The following KCNK9 variants were observed in gnomAD, a reference collection of about 807,000 sequenced individuals.
KCNK9 encodes potassium channel subfamily K member 9.
A neutral mutation model predicts 10.8 loss-of-function variants in KCNK9; 1 was observed. The ratio of observed to expected loss-of-function variants is 0.09; its 90% CI spans 0.03 to 0.44. The LOEUF (loss-of-function observed/expected upper bound fraction) is 0.44, where lower values mean the gene tolerates loss of function less well. Among genes scored for constraint, KCNK9 ranks in the 20% least tolerant of loss-of-function variants. The pLI is 0.97. For missense variants in KCNK9, 303 were observed against 515.0 expected, an observed-to-expected ratio of 0.59 and a Z score of 3.98; for synonymous variants, 231 against 222.7, an observed-to-expected ratio of 1.04 and a Z score of -0.33.
chr8:139,656,142 G>A (rs2129688902), intron 1 of KCNK9, among the ~76,000 whole-genome samples: 1 of 152,324 alleles, frequency 6.6e-6, no homozygotes, highest in South Asian at 2.1e-4. Context: ...TGGGGTACAG[G>A]CTGATGCCCC....
intron 1 of KCNK9, among the ~76,000 whole-genome samples, chr8:139,668,455 C>T (rs952472681): frequency 2.1e-5 from 3 of 141,450 alleles, no homozygotes; most frequent in African/African-American, 2.6e-5. Flanking sequence ...GAGTTTCGCT[C>T]TTGTTGCCCA....
At chr8:139,694,604 G>GCTGGC (rs1183566596) in intron 1 of KCNK9, among the ~76,000 whole-genome samples, 1 of 152,204 alleles carries the variant, frequency 6.6e-6, no homozygotes, top group Non-Finnish European at 1.5e-5. Context: ...TCATTGGATG[G>GCTGGC]CTGGCCATGC....
intron 1 of KCNK9, among the ~76,000 whole-genome samples, chr8:139,622,210 A>C (rs1212768607): frequency 6.6e-6 from 1 of 152,130 alleles, no homozygotes; most frequent in Admixed American, 6.5e-5. Flanking sequence ...AACAGCGCTG[A>C]GGTTCAGGGG....
intron 1 of KCNK9, among the ~76,000 whole-genome samples, chr8:139,639,895 G>A (rs1339234288): frequency 2.0e-5 from 3 of 151,846 alleles, no homozygotes; most frequent in African/African-American, 7.3e-5. Context: ...GCCTGCCTCT[G>A]CAAGATGCGC....
intron 1 of KCNK9, among the ~76,000 whole-genome samples, chr8:139,676,113 C>T (rs1399175384): frequency 2.0e-5 from 3 of 152,214 alleles, no homozygotes; most frequent in Non-Finnish European, 4.4e-5. Context: ...CCTGAATGAC[C>T]AAGTGGAGCA....
In KCNK9 at chr8:139,700,520, G is replaced by GCACA. The variant is rs765602878; in HGVS notation, c.283+2186_283+2189dup. Among the ~76,000 whole-genome samples, 280 of 141,412 alleles carry GCACA rather than the reference G, an allele frequency of 2.0e-3. 1 individual carries two copies. The highest frequency in any genetic ancestry group is 4.2e-3 in the Admixed American group (61 of 14,392). The allele number at this position is 141,412 out of a possible 152,430, so 92.8% of individuals were successfully genotyped here. A position where few individuals can be genotyped will look rare whatever the true frequency, so the allele number is the denominator to read the frequency against. ...CACACACACACACACGCGCGCGCGC[G>GCACA]CACACACACACACACACACGCGCGC... On this transcript the variant is annotated intron_variant, in intron 1 of 1. Transcript: ENST00000520439.
intron 1 of KCNK9, among the ~76,000 whole-genome samples, chr8:139,698,929 G>T (rs1230760667): frequency 2.6e-5 from 4 of 152,190 alleles, no homozygotes; most frequent in African/African-American, 7.2e-5. Context: ...GTTTCTCAGA[G>T]TGTACCCTGC....
At chr8:139,601,767 A>G (rs1448153527) in intron 2 of KCNK9, among the ~76,000 whole-genome samples, 1 of 152,194 alleles carries the variant, frequency 6.6e-6, no homozygotes, top group Admixed American at 6.5e-5. Flanking sequence ...GTAAGATTTT[A>G]TTGCATGTTA....
chr8:139,607,913 A>G (rs1399844055), downstream of KCNK9, among the ~76,000 whole-genome samples: 1 of 152,172 alleles, frequency 6.6e-6, no homozygotes, highest in East Asian at 1.9e-4. Flanking sequence ...AGGATAAGTG[A>G]CTTGCCAAGA....
At chr8:139,645,363 C>G (rs954944472) in intron 1 of KCNK9, among the ~76,000 whole-genome samples, 21 of 152,192 alleles carry the variant, frequency 1.4e-4, no homozygotes, top group African/African-American at 5.1e-4. Flanking sequence ...AGGCTGCCCA[C>G]CCATGCCTGC....
chr8:139,668,809 G>C (rs932071466), intron 1 of KCNK9, among the ~76,000 whole-genome samples: 1 of 152,168 alleles, frequency 6.6e-6, no homozygotes, highest in African/African-American at 2.4e-5. Context: ...TGGTGATCTT[G>C]AACTGAGCCT....
rs549375961 is a variant in KCNK9 at position 139,676,619 on chromosome 8, T to C, written c.283+26091A>G. Among the ~76,000 whole-genome samples the C allele has an allele frequency of 2.0e-5, 3 of 152,284 alleles. No homozygotes were observed. The East Asian group carries it at 5.8e-4, about 29-fold the overall frequency. ...CACCATTCTAAGCTCTTCTCAAATA[T>C]TTGCTCACTTTGACCTTCACGACAC... is the stretch of plus-strand genomic sequence containing the variant. On this transcript the variant is annotated intron_variant, in intron 1 of 1. Transcript: ENST00000520439.
chr8:139,689,214 C>T (rs1357994951), intron 1 of KCNK9, among the ~76,000 whole-genome samples: 1 of 152,210 alleles, frequency 6.6e-6, no homozygotes, highest in African/African-American at 2.4e-5. Context: ...GTATTTTCTG[C>T]TGCTTAAGTC....
chr8:139,631,000 G>A (rs530440767), intron 1 of KCNK9, among the ~76,000 whole-genome samples: 1 of 152,360 alleles, frequency 6.6e-6, no homozygotes, highest in African/African-American at 2.4e-5. Context: ...TCCGCTCCCT[G>A]CAAGAGGGGC....
chr8:139,630,288 TAAGG>T (rs2129635057), intron 1 of KCNK9, among the ~76,000 whole-genome samples: 1 of 152,218 alleles, frequency 6.6e-6, no homozygotes, highest in South Asian at 2.1e-4. Context: ...CCTCAGAGGA[TAAGG>T]AAGTGGTGGA....
At chr8:139,681,963 G>T (rs1816696732) in intron 1 of KCNK9, among the ~76,000 whole-genome samples, 1 of 152,236 alleles carries the variant, frequency 6.6e-6, no homozygotes, top group Non-Finnish European at 1.5e-5. Flanking sequence ...GCCCATGGAA[G>T]CTTCCGGTGG....
At chr8:139,668,956 C>T (rs1480847091) in intron 1 of KCNK9, among the ~76,000 whole-genome samples, 1 of 152,160 alleles carries the variant, frequency 6.6e-6, no homozygotes, top group African/African-American at 2.4e-5. Flanking sequence ...GTCTAAGACA[C>T]CACAACAAAG....
rs112558786 is a variant in KCNK9, at chr8:139,667,423, C to T, written c.283+35287G>A. On this transcript the variant is annotated intron_variant, in intron 1 of 1. Transcript: ENST00000520439. Reference sequence around the variant, plus strand: ...CATAAAAACGGTCCCCACAGCCGGGCGCAGTGGCTCATGCTTGCAATCCTA... The same window carrying T: ...CATAAAAACGGTCCCCACAGCCGGGTGCAGTGGCTCATGCTTGCAATCCTA... Among the ~76,000 whole-genome samples the T allele has an allele frequency of 7.9e-3, 1,208 of 152,302 alleles. 19 individuals are homozygous for T. Among genetic ancestry groups the T allele is most frequent in the African/African-American group, 0.028 (1,150 of 41,560 alleles).
chr8:139,663,576 C>G (rs1816219486), intron 1 of KCNK9, among the ~76,000 whole-genome samples: 1 of 151,792 alleles, frequency 6.6e-6, no homozygotes, highest in Non-Finnish European at 1.5e-5. Flanking sequence ...AGCCACTCTG[C>G]AGAGAGACCA....
Sources: gnomAD v4.1 joint callset for allele counts (sites outside exome capture counted in the v4.1 genomes callset) on GRCh38, gnomAD v4.1.1 for gene constraint, MANE v1.5 for transcripts, NCBI Gene and HGNC (gene_info 2026-07-23, HGNC 2026-07-21) for gene names.